MYLK2: variants seen among roughly 807,000 people sequenced by gnomAD.
MYLK2 encodes the protein myosin light chain kinase 2, skeletal/cardiac muscle.
Under a neutral mutation model 58.2 loss-of-function variants are expected in MYLK2, and 27 were observed. The observed-to-expected ratio is 0.46, with a 90% CI of 0.34 to 0.64. MYLK2 has a LOEUF of 0.64. MYLK2 is among the 30% of genes least tolerant of loss of function. MYLK2 has a pLI of 0.01. For synonymous variants in MYLK2, 310 were observed against 296.7 expected, an observed-to-expected ratio of 1.04 and a Z score of -0.46; for missense variants, 676 against 764.3, an observed-to-expected ratio of 0.88 and a Z score of 1.36.
At chr20:31,822,952 A>G (rs1169479123) in intron 4 of MYLK2, among the ~76,000 whole-genome samples, 1 of 152,146 alleles carries the variant, frequency 6.6e-6, no homozygotes, top group Non-Finnish European at 1.5e-5. Flanking sequence ...GCCAGCCTTC[A>G]GGGCGAGCGG....
chr20:31,827,882 C>CT (rs10646259), intron 8 of MYLK2, among the ~76,000 whole-genome samples: 2,824 of 94,798 alleles, frequency 0.03, 279 homozygotes, highest in African/African-American at 0.11. Flanking sequence ...AGCAGATCTG[C>CT]TTTTTTTTTT....
intron 8 of MYLK2, chr20:31,827,271 G>T: frequency 2.0e-6 from 2 of 985,396 alleles, no homozygotes; most frequent in Non-Finnish European, 2.4e-6. Context: ...AATAAGTGTT[G>T]CAATAGCACC....
chr20:31,821,679 C>T lies in MYLK2; in HGVS notation c.714C>T (p.Ser238=), dbSNP rs374323310. 2.0e-5 allele frequency: 33 copies of T among 1,613,102 alleles called. No individual in the cohort carries two copies. The highest frequency in any genetic ancestry group is 2.7e-5 in the African/African-American group (2 of 75,014). Reference sequence around the variant, plus strand: ...TCCAGGCTGTTCCCTCAGAGAAATCCGAGGTGGGGCAGGCCCTCTGTCTCA... The same window carrying T: ...TCCAGGCTGTTCCCTCAGAGAAATCTGAGGTGGGGCAGGCCCTCTGTCTCA... The part of the protein sequence containing the change: ...IEFQAVPSEK[S]EVGQALCLTA... The change falls in exon 4 of 13, where the codon TCC becomes TCT. Residue 238 remains serine (S), a synonymous_variant. Transcript: ENST00000375985.
At chr20:31,824,887 G>C (rs1478818216) in intron 6 of MYLK2, among the ~76,000 whole-genome samples, 2 of 152,256 alleles carry the variant, frequency 1.3e-5, no homozygotes, top group African/African-American at 4.8e-5. Flanking sequence ...TGTGACCACA[G>C]CTGTGACTCA....
chr20:31,828,396 G>A (rs753007037), intron 8 of MYLK2: 65 of 985,220 alleles, frequency 6.6e-5, no homozygotes, highest in Non-Finnish European at 7.7e-5. Flanking sequence ...AAAGTGGATG[G>A]TACTTTCATT....
intron 5 of MYLK2, 114 bp downstream of exon 5, chr20:31,823,696 C>T (rs924445604): frequency 6.7e-6 from 7 of 1,045,574 alleles, no homozygotes; most frequent in Non-Finnish European, 1.0e-5. Context: ...GACATGGCCA[C>T]ATGGACATGT....
At chr20:31,828,733 C>T (rs2062291867) in intron 8 of MYLK2, 2 of 985,290 alleles carry the variant, frequency 2.0e-6, no homozygotes, top group Non-Finnish European at 2.4e-6. Context: ...CTGTGCCCGA[C>T]ACTGTCTGAG....
chr20:31,824,071 A>G, intron 5 of MYLK2, 188 bp from the exon 6 acceptor site: 1 of 985,410 alleles, frequency 1.0e-6, no homozygotes, highest in Non-Finnish European at 1.2e-6. Context: ...TGCTTCAGCC[A>G]TTGTCCTGGC....
rs557293037 is a variant in MYLK2, at chr20:31,821,033, A to ATAAC, written c.474-405_474-404insAACT. On this transcript the variant is annotated intron_variant, in intron 3 of 12. Coordinates refer to ENST00000375985, the MANE Select transcript of MYLK2 (RefSeq NM_033118.4). The stretch of plus-strand genomic sequence containing the variant: ...TATTTTCATAACCATAATATAGCAC[A>ATAAC]TGTGTGATGCCATCAGTTATACTTA... 4.6e-5 allele frequency among the ~76,000 whole-genome samples: 7 copies of ATAAC among 152,342 alleles called. No homozygotes were observed. The South Asian group carries it at 1.5e-3, about 32-fold the overall frequency.
chr20:31,831,283 C>A, intron 10 of MYLK2, 142 bp downstream of exon 10: 1 of 1,270,716 alleles, frequency 7.9e-7, no homozygotes, highest in Non-Finnish European at 1.1e-6. Context: ...GTTGGGAGTG[C>A]TAGGGAGAAC....
chr20:31,829,794 A>G (rs942228260), intron 8 of MYLK2, among the ~76,000 whole-genome samples: 12 of 152,182 alleles, frequency 7.9e-5, no homozygotes, highest in Non-Finnish European at 1.3e-4. Context: ...AAATGTTTAT[A>G]CCCTGCAACC....
At chr20:31,824,491 TAGAG>T in intron 6 of MYLK2, 139 bp downstream of exon 6, 22 of 1,514,378 alleles carry the variant, frequency 1.5e-5, no homozygotes, top group East Asian at 2.5e-5. Context: ...ACTACACAGA[TAGAG>T]AGATGGATGG....
rs772259200 is a variant in MYLK2 at position 31,820,563 on chromosome 20, G to T, written c.473+17G>T. On this transcript the variant is annotated intron_variant, in intron 3 of 12. Coordinates refer to ENST00000375985, the MANE Select transcript of MYLK2 (RefSeq NM_033118.4). ...CATCTCCAGGTGAATATCCCCTCCT[G>T]GGAGTGGGGAGGGGTCCTGTGGTTC... 5.0e-6 allele frequency: 8 copies of T among 1,598,902 alleles called. No individual in the cohort carries two copies. The highest frequency in any genetic ancestry group is 5.1e-6 in the Non-Finnish European group (6 of 1,179,850).
At chr20:31,827,579 C>A (rs889667991) in intron 8 of MYLK2, 1 of 973,376 alleles carries the variant, frequency 1.0e-6, no homozygotes, top group Non-Finnish European at 1.2e-6. Flanking sequence ...AGTGCAGTGG[C>A]GCTATCTTGG....
chr20:31,825,409 C>T (rs1001650127), intron 6 of MYLK2, among the ~76,000 whole-genome samples: 1 of 152,208 alleles, frequency 6.6e-6, no homozygotes, highest in Non-Finnish European at 1.5e-5. Context: ...TTGAGCACTT[C>T]TCTGCCATTC....
In MYLK2 at chr20:31,824,337, G is replaced by A. The variant is rs2123131710; in HGVS notation, c.957G>A (p.Gln319=). The change falls in exon 6 of 13, where the codon CAG becomes CAA. Residue 319 remains glutamine (Q), a synonymous_variant. Coordinates refer to ENST00000375985, the MANE Select transcript of MYLK2 (RefSeq NM_033118.4). ...TGGCAGCCAAGGTCATCAAGAAACA[G>A]ACTCCCAAAGACAAGGTAGTGAGGT... is the stretch of plus-strand genomic sequence containing the variant. ...LKLAAKVIKK[Q]TPKDKEMVLL... 6.2e-7 allele frequency: 1 copy of A among 1,612,320 alleles called. No individual in the cohort carries two copies. The highest frequency in any genetic ancestry group is 8.5e-7 in the Non-Finnish European group (1 of 1,179,014).
chr20:31,824,431 C>T, intron 6 of MYLK2, 79 bp downstream of exon 6: 1 of 1,555,018 alleles, frequency 6.4e-7, no homozygotes, highest in Admixed American at 1.9e-5. Flanking sequence ...CTCCCTCCAC[C>T]AGCGCTGCTG....
intron 8 of MYLK2, chr20:31,827,486 G>A (rs991058243): frequency 7.1e-6 from 7 of 985,252 alleles, no homozygotes; most frequent in Admixed American, 1.2e-4. Context: ...TGAGGTAGGC[G>A]CTAACAACAA....
rs2062322858 is a variant in MYLK2, at chr20:31,834,295, G to C, written c.*498G>C. 5.6e-6 allele frequency: 1 copy of C among 177,368 alleles called. No homozygotes were observed. Among genetic ancestry groups the C allele is most frequent in the African/African-American group, 2.4e-5 (1 of 42,084 alleles). The allele number at this position is 177,368 out of a possible 1,614,324, so 11.0% of individuals were successfully genotyped here. On this transcript the variant is annotated 3_prime_UTR_variant, in exon 13 of 13. Transcript: ENST00000375985. ...TGATTCCTAAGGCCCAGCTGCCAGG[G>C]AAGACAGAGCAGGCTTTGTGAGAGA...
Sources: allele counts gnomAD v4.1 joint callset (sites outside exome capture counted in the v4.1 genomes callset), GRCh38; gene constraint gnomAD v4.1.1; transcripts MANE v1.5; gene names NCBI Gene and HGNC (gene_info 2026-07-23, HGNC 2026-07-21).